GALNT9: variants seen among roughly 807,000 people sequenced by gnomAD.
The protein encoded by GALNT9 is GalNAc transferase 9.
GALNT9 carries 47 observed loss-of-function variants against 63.1 expected under a neutral mutation model. The observed-to-expected ratio is 0.75, with a 90% CI of 0.59 to 0.95. GALNT9 has a LOEUF of 0.95. Among genes scored for constraint, GALNT9 ranks in the 40% least tolerant of loss-of-function variants. GALNT9 has a pLI of 0.00. For missense variants in GALNT9, 829 were observed against 874.8 expected, an observed-to-expected ratio of 0.95 and a Z score of 0.66; for synonymous variants, 396 against 365.7, an observed-to-expected ratio of 1.08 and a Z score of -0.94.
intron 1 of GALNT9, among the ~76,000 whole-genome samples, chr12:132,322,751 C>T (rs1205543441): frequency 5.3e-5 from 8 of 152,306 alleles, no homozygotes; most frequent in South Asian, 2.1e-4. Flanking sequence ...GGGGACCGGG[C>T]GCAGAGCCCA....
In GALNT9 at chr12:132,329,242, C is replaced by T; in HGVS notation, c.-39G>A. On this transcript the variant is annotated 5_prime_UTR_variant, in exon 1 of 11. Transcript: ENST00000328957. ...GCGGGGGCCTCACCCGCGGGGCATC[C>T]CCAGCATCCCCGCCCGGGCCTGGGC... 6.6e-7 allele frequency: 1 copy of T among 1,523,764 alleles called. No individual in the cohort carries two copies. The allele number at this position is 1,523,764 out of a possible 1,614,324, so 94.4% of individuals were successfully genotyped here.
intron 6 of GALNT9, among the ~76,000 whole-genome samples, chr12:132,204,138 AAC>A (rs1199458754): frequency 3.5e-5 from 5 of 142,188 alleles, no homozygotes; most frequent in Non-Finnish European, 6.2e-5. Flanking sequence ...GCATCCCCAG[AAC>A]ACACACAATC....
At chr12:132,251,101 C>G (rs1878899967) in intron 5 of GALNT9, among the ~76,000 whole-genome samples, 2 of 152,196 alleles carry the variant, frequency 1.3e-5, no homozygotes. Context: ...CGTGCAAGAC[C>G]CAAGCGGTGA....
chr12:132,317,784 G>A (rs1393199155), intron 1 of GALNT9, among the ~76,000 whole-genome samples: 2 of 152,180 alleles, frequency 1.3e-5, no homozygotes, highest in Non-Finnish European at 2.9e-5. Context: ...ACCAGGGCAG[G>A]GAAAGAAGGA....
rs547271474 is a variant in GALNT9 at position 132,294,782 on chromosome 12, G to C, written c.239-8352C>G. Among the ~76,000 whole-genome samples the C allele has an allele frequency of 7.5e-4, 114 of 152,348 alleles. No homozygotes were observed. In the South Asian group the frequency reaches 0.011, roughly 15 times the overall value. ...CAGTCACGTTCCCTGGAGCGGGAGG[G>C]ATCTGTTAATAGCTCTGAAAAGTGA... On this transcript the variant is annotated intron_variant, in intron 1 of 10. Transcript: ENST00000328957.
rs1290991247 is a variant in GALNT9 at position 132,296,432 on chromosome 12, C to T, written c.239-10002G>A. On this transcript the variant is annotated intron_variant, in intron 1 of 10. Transcript: ENST00000328957. The surrounding 1 kb of genome is among the most constrained non-coding windows in gnomAD (Gnocchi z 4.2). Reference sequence around the variant, plus strand: ...ATCTCATGGGTGTCTTCCTGGGCTGCGTGATATCAATCCCAAGTTTTCCTC... The same window carrying T: ...ATCTCATGGGTGTCTTCCTGGGCTGTGTGATATCAATCCCAAGTTTTCCTC... Among the ~76,000 whole-genome samples, 1 of 152,224 alleles carries T rather than the reference C, an allele frequency of 6.6e-6. No homozygotes were observed. Among genetic ancestry groups the T allele is most frequent in the Non-Finnish European group, 1.5e-5 (1 of 68,042 alleles).
chr12:132,239,904 G>C (rs1312964331), intron 6 of GALNT9, among the ~76,000 whole-genome samples: 4 of 152,102 alleles, frequency 2.6e-5, no homozygotes, highest in Admixed American at 1.3e-4. Flanking sequence ...GATGCAGAGA[G>C]AGGGGAATCA....
In GALNT9 at chr12:132,327,306, A is replaced by G. The variant is rs1480073281; in HGVS notation, c.238+1660T>C. ...GGGGCGGTGGGCGGTGGGGGGAGAC[A>G]CACTTTCCCGGAATGCTTCCTTATC... On this transcript the variant is annotated intron_variant, in intron 1 of 10. Coordinates refer to ENST00000328957, the MANE Select transcript of GALNT9 (RefSeq NM_001122636.2). This position sits in a 1 kb window ranked among gnomAD's most constrained non-coding sequence, Gnocchi z 4.3. 6.6e-6 allele frequency among the ~76,000 whole-genome samples: 1 copy of G among 151,838 alleles called. No homozygotes were observed. The highest frequency in any genetic ancestry group is 3.2e-3 in the Middle Eastern group (1 of 316).
At chr12:132,230,898 G>A (rs997868851) in intron 6 of GALNT9, among the ~76,000 whole-genome samples, 11 of 152,372 alleles carry the variant, frequency 7.2e-5, no homozygotes, top group African/African-American at 1.9e-4. Context: ...CATTCGGGAC[G>A]TCTTGGTGAG....
At chr12:132,290,399 G>T (rs918497544) in intron 1 of GALNT9, among the ~76,000 whole-genome samples, 3 of 152,164 alleles carry the variant, frequency 2.0e-5, no homozygotes, top group Non-Finnish European at 4.4e-5. Flanking sequence ...GTCCCAACGC[G>T]CTGTGTCTTG....
At position 132,286,172 on chromosome 12, in the gene GALNT9, A is replaced by C; in HGVS notation, c.419+78T>G. 3 of 1,178,600 alleles carry C rather than the reference A, an allele frequency of 2.5e-6. No homozygotes were observed. The highest frequency in any genetic ancestry group is 1.1e-6 in the Non-Finnish European group (1 of 925,290). The allele number at this position is 1,178,600 out of a possible 1,614,324, so 73.0% of individuals were successfully genotyped here. On this transcript the variant is annotated intron_variant, in intron 2 of 10. Coordinates refer to ENST00000328957, the MANE Select transcript of GALNT9 (RefSeq NM_001122636.2). The surrounding 1 kb of genome is among the most constrained non-coding windows in gnomAD (Gnocchi z 7.4). Reference sequence around the variant, plus strand: ...CACTTCCCCGGCCGGCGTGGGGGGCAGTCACTTCCCTGGCCAGTGTGGGGG... The same window carrying C: ...CACTTCCCCGGCCGGCGTGGGGGGCCGTCACTTCCCTGGCCAGTGTGGGGG...
chr12:132,285,359 C>A (rs1299418763), intron 2 of GALNT9, among the ~76,000 whole-genome samples: 1 of 152,244 alleles, frequency 6.6e-6, no homozygotes, highest in Non-Finnish European at 1.5e-5. Context: ...GCCAAGCCTG[C>A]CAGTCGCTCC....
chr12:132,214,851 C>T (rs1465620638), intron 6 of GALNT9, among the ~76,000 whole-genome samples: 2 of 152,230 alleles, frequency 1.3e-5, no homozygotes, highest in African/African-American at 2.4e-5. Context: ...TGTTCCTGCT[C>T]AGTTCTGTGG....
At chr12:132,266,453 C>A (rs1272020409) in intron 2 of GALNT9, among the ~76,000 whole-genome samples, 1 of 152,220 alleles carries the variant, frequency 6.6e-6, no homozygotes, top group Non-Finnish European at 1.5e-5. Flanking sequence ...CTAAATCCAA[C>A]GACGGTGTCC....
chr12:132,308,035 CAAA>C (rs58609306), intron 1 of GALNT9, among the ~76,000 whole-genome samples: 24 of 145,020 alleles, frequency 1.7e-4, no homozygotes, highest in Admixed American at 1.4e-4. Context: ...GACCCTGTCT[CAAA>C]AAAAAAAAAA....
intron 6 of GALNT9, among the ~76,000 whole-genome samples, chr12:132,204,827 T>G (rs1167543494): frequency 1.3e-5 from 2 of 151,744 alleles, no homozygotes; most frequent in African/African-American, 4.8e-5. Flanking sequence ...AACAAATGGG[T>G]CTGATCCACG....
intron 6 of GALNT9, among the ~76,000 whole-genome samples, chr12:132,227,956 G>C (rs1243889544): frequency 6.6e-6 from 1 of 152,168 alleles, no homozygotes; most frequent in African/African-American, 2.4e-5. Context: ...GCAGCCTGGA[G>C]GCCTGGTTGA....
At position 132,201,261 on chromosome 12, in the gene GALNT9, T is replaced by G. The variant is rs1004448945; in HGVS notation, c.1264A>C (p.Asn422His). 1 of 1,611,724 alleles carries G rather than the reference T, an allele frequency of 6.2e-7. No individual in the cohort carries two copies. Among genetic ancestry groups the G allele is most frequent in the Admixed American group, 1.7e-5 (1 of 59,962 alleles). The part of the protein sequence containing the change: ...VYMAWNIPMS[N>H]PGVDFGDVSE... ...ACGTCCCCGAAGTCCACCCCTGGGT[T>G]CTGCAAGGCCAGAAGTAGGTGAGAG... is the stretch of plus-strand genomic sequence containing the variant. Residue 422 changes from asparagine to histidine, a missense_variant and splice_region_variant, in exon 8 of 11, where the codon AAC (asparagine) becomes CAC (histidine). Transcript: ENST00000328957.
intron 1 of GALNT9, among the ~76,000 whole-genome samples, chr12:132,307,829 G>A (rs782283512): frequency 9.9e-5 from 15 of 151,964 alleles, no homozygotes; most frequent in African/African-American, 1.4e-4. Context: ...GTGAGACTCC[G>A]TCTCAAAACA....
Sources: gnomAD v4.1 joint callset for allele counts (sites outside exome capture counted in the v4.1 genomes callset) on GRCh38, gnomAD v4.1.1 for gene constraint, Gnocchi (gnomAD v3.1) non-coding constraint, MANE v1.5 for transcripts, NCBI Gene and HGNC (gene_info 2026-07-23, HGNC 2026-07-21) for gene names.